Variants in PCDH11X observed in about 807,000 individuals in gnomAD.
PCDH11X encodes the protein protocadherin 11 X-linked.
Under a neutral mutation model 53.3 loss-of-function variants are expected in PCDH11X, and 18 were observed. The ratio of observed to expected loss-of-function variants is 0.34; its 90% CI spans 0.23 to 0.50. The LOEUF is 0.50. Ranked by LOEUF, PCDH11X falls within the 20% of genes least tolerant of loss-of-function variation. PCDH11X has a pLI of 0.98. For synonymous variants in PCDH11X, 279 were observed against 393.3 expected (o/e 0.71, Z 3.44); for missense variants, 570 against 1,032.4 (o/e 0.55, Z 6.14).
chrX:92,241,211 A>G (rs772780688), intron 7 of PCDH11X, among the ~76,000 whole-genome samples: 1 of 111,531 alleles, frequency 9.0e-6, no homozygotes, highest in African/African-American at 3.3e-5. Flanking sequence ...GTCAACTTGC[A>G]AGAAGTAATA....
chrX:92,151,488 G>T (rs1367403789), intron 6 of PCDH11X, among the ~76,000 whole-genome samples: 1 of 111,292 alleles, frequency 9.0e-6, no homozygotes, highest in Non-Finnish European at 1.9e-5. Context: ...CACCACGCCC[G>T]GCCTAGAATT....
rs188987743 is a variant in PCDH11X at position 92,461,528 on chromosome X, C to T, written c.3344-6771C>T. Among the ~76,000 whole-genome samples, 1,058 of 111,923 alleles carry T rather than the reference C, an allele frequency of 9.5e-3. 11 individuals carry two copies. The highest frequency in any genetic ancestry group is 0.033 in the African/African-American group (1,004 of 30,805). ...ATATGCAGAAGAATTAAACTTGACC[C>T]GTATCTCTTGCTATATACAAAAATC... On this transcript the variant is annotated intron_variant, in intron 9 of 10. Coordinates refer to ENST00000682573, the MANE Select transcript of PCDH11X (RefSeq NM_032968.5).
intron 7 of PCDH11X, among the ~76,000 whole-genome samples, chrX:92,226,634 A>C (rs1397084112): frequency 1.8e-5 from 2 of 111,533 alleles, no homozygotes; most frequent in African/African-American, 6.5e-5. Flanking sequence ...AGGTTTAATG[A>C]CTAGCTTTGG....
At chrX:92,197,397 G>A (rs1346562551) in intron 6 of PCDH11X, among the ~76,000 whole-genome samples, 1 of 111,666 alleles carries the variant, frequency 9.0e-6, no homozygotes, top group Non-Finnish European at 1.9e-5. Flanking sequence ...AGTTGATATT[G>A]TTTCAAGGCT....
intron 6 of PCDH11X, among the ~76,000 whole-genome samples, chrX:91,880,301 G>T (rs1056297363): frequency 6.3e-5 from 7 of 111,189 alleles, no homozygotes; most frequent in Admixed American, 1.9e-4. Flanking sequence ...TTATTATTTT[G>T]TCTGTGTTAA....
chrX:91,894,919 C>T (rs1315103986), intron 6 of PCDH11X, among the ~76,000 whole-genome samples: 1 of 110,868 alleles, frequency 9.0e-6, no homozygotes, highest in Non-Finnish European at 1.9e-5. Context: ...CCTATTAACA[C>T]ATTAAAGAAA....
intron 6 of PCDH11X, among the ~76,000 whole-genome samples, chrX:91,903,656 C>CGTGTGTGTGT (rs61017416): frequency 1.4e-3 from 127 of 93,951 alleles, no homozygotes; most frequent in East Asian, 7.9e-3. Flanking sequence ...CCTCTATGTG[C>CGTGTGTGTGT]GTGTGTGTGT....
intron 10 of PCDH11X, among the ~76,000 whole-genome samples, chrX:92,531,382 CTAAAGTT>C (rs1321871270): frequency 1.8e-5 from 2 of 111,092 alleles, no homozygotes; most frequent in Non-Finnish European, 3.8e-5. Context: ...AAATAATTGA[CTAAAGTT>C]TACTGTTTTT....
intron 9 of PCDH11X, among the ~76,000 whole-genome samples, chrX:92,428,752 A>G (rs1165566361): frequency 9.0e-6 from 1 of 111,454 alleles, no homozygotes; most frequent in Non-Finnish European, 1.9e-5. Flanking sequence ...ATGACTAAAT[A>G]AATCCAGCCT....
chrX:92,207,527 T>C (rs1442650620), intron 7 of PCDH11X, among the ~76,000 whole-genome samples: 1 of 111,698 alleles, frequency 9.0e-6, no homozygotes, highest in African/African-American at 3.3e-5. Context: ...GCAATTGCCC[T>C]GCTTGTAAAA....
At chrX:92,532,518 A>T (rs2074576120) in intron 10 of PCDH11X, among the ~76,000 whole-genome samples, 1 of 109,445 alleles carries the variant, frequency 9.1e-6, no homozygotes, top group Non-Finnish European at 1.9e-5. Flanking sequence ...GATACAGGTT[A>T]GGTTCATGTA....
rs1261353811 is a variant in PCDH11X, at chrX:92,452,481, A to G, written c.3344-15818A>G. Among the ~76,000 whole-genome samples, 84 of 66,927 alleles carry G rather than the reference A, an allele frequency of 1.3e-3. 1 individual carries two copies. Among genetic ancestry groups the G allele is most frequent in the Non-Finnish European group, 1.5e-3 (59 of 38,458 alleles). The allele number at this position is 66,927 out of a possible 115,157, so 58.1% of individuals were successfully genotyped here. A position where few individuals can be genotyped will look rare whatever the true frequency, so the allele number is the denominator to read the frequency against. On this transcript the variant is annotated intron_variant, in intron 9 of 10. Coordinates refer to ENST00000682573, the MANE Select transcript of PCDH11X (RefSeq NM_032968.5). ...TGTGTGTGTATATATATATATATAT[A>G]TATATATATATATATATGTTTTTTT... is the stretch of plus-strand genomic sequence containing the variant.
chrX:92,202,849 G>A (rs867161928), intron 7 of PCDH11X, among the ~76,000 whole-genome samples: 1 of 110,681 alleles, frequency 9.0e-6, no homozygotes. Flanking sequence ...GTGAAACCCC[G>A]CCTCTACAAA....
At chrX:92,164,753 G>A (rs1451034200) in intron 6 of PCDH11X, among the ~76,000 whole-genome samples, 1 of 109,764 alleles carries the variant, frequency 9.1e-6, no homozygotes, top group Non-Finnish European at 1.9e-5. Flanking sequence ...TGAATTGTAA[G>A]TCTTAGAATT....
At chrX:91,908,346 G>A (rs183617091) in intron 6 of PCDH11X, among the ~76,000 whole-genome samples, 8 of 111,318 alleles carry the variant, frequency 7.2e-5, no homozygotes, top group East Asian at 5.7e-4. Context: ...AACAAACAAC[G>A]CCATAAAAAA....
At chrX:92,224,025 T>C (rs1827447907) in intron 7 of PCDH11X, among the ~76,000 whole-genome samples, 1 of 111,887 alleles carries the variant, frequency 8.9e-6, no homozygotes, top group Admixed American at 9.5e-5. Context: ...TTTGGCCATT[T>C]GCCTTTTTGT....
chrX:91,925,307 T>C (rs1286179504), intron 6 of PCDH11X, among the ~76,000 whole-genome samples: 1 of 110,641 alleles, frequency 9.0e-6, no homozygotes, highest in Non-Finnish European at 1.9e-5. Flanking sequence ...CTATTGACTA[T>C]TGTGCTGAAA....
intron 6 of PCDH11X, among the ~76,000 whole-genome samples, chrX:92,070,810 T>A (rs1389548659): frequency 9.0e-6 from 1 of 111,023 alleles, no homozygotes; most frequent in Non-Finnish European, 1.9e-5. Context: ...TTTTTTGTTG[T>A]TGTTTTTGAG....
At chrX:91,992,593 A>G (rs1569296630) in intron 6 of PCDH11X, among the ~76,000 whole-genome samples, 1 of 96,090 alleles carries the variant, frequency 1.0e-5, no homozygotes, top group Non-Finnish European at 2.0e-5. Flanking sequence ...CACCTAGTGC[A>G]GTTGTAAATA....
Sources: allele counts gnomAD v4.1 joint callset (sites outside exome capture counted in the v4.1 genomes callset), GRCh38; gene constraint gnomAD v4.1.1; transcripts MANE v1.5; gene names NCBI Gene and HGNC (gene_info 2026-07-23, HGNC 2026-07-21).